Variants in WASF3 observed in about 807,000 individuals in gnomAD.
WASF3 encodes the protein WASP family member 3, also known as actin-binding protein WASF3.
Under a neutral mutation model 46.6 loss-of-function variants are expected in WASF3, and 11 were observed. The observed-to-expected ratio is 0.24, with a 90% confidence interval of 0.15 to 0.39. The LOEUF is 0.39. WASF3 is among the 10% of genes least tolerant of loss of function. The pLI, the probability that WASF3 is intolerant of heterozygous loss-of-function variation, is 1.00. For missense variants in WASF3, 576 were observed against 669.8 expected, an observed-to-expected ratio of 0.86 and a Z score of 1.55; for synonymous variants, 242 against 259.7, an observed-to-expected ratio of 0.93 and a Z score of 0.65.
At chr13:26,638,851 C>T (rs1038046137) in intron 2 of WASF3, 15 of 152,194 alleles carry the variant, frequency 9.9e-5, no homozygotes, top group African/African-American at 3.1e-4. Flanking sequence ...TAGATTAGTG[C>T]TTTCCCTATG....
the WASF3 span, among the ~76,000 whole-genome samples, chr13:26,539,506 C>T: frequency 6.6e-6 from 1 of 152,034 alleles, no homozygotes; most frequent in Non-Finnish European, 1.5e-5. Context: ...CCAGTTAAGA[C>T]TCTTGTGGTA....
At chr13:26,593,645 G>A (rs1195392414) in intron 1 of WASF3, among the ~76,000 whole-genome samples, 1 of 152,040 alleles carries the variant, frequency 6.6e-6, no homozygotes. Context: ...CATTCCAGTG[G>A]AATCCAAGGT....
chr13:26,649,016 T>A (rs538584970), intron 3 of WASF3, among the ~76,000 whole-genome samples: 14 of 152,366 alleles, frequency 9.2e-5, no homozygotes, highest in African/African-American at 3.4e-4. Flanking sequence ...TGCATCATAA[T>A]TCTTAGGAGC....
chr13:26,557,069 G>C (rs561075353), upstream of WASF3, among the ~76,000 whole-genome samples: 13 of 152,192 alleles, frequency 8.5e-5, no homozygotes, highest in African/African-American at 2.9e-4. Flanking sequence ...GCAGTTTCAG[G>C]GATATCTTAG....
chr13:26,668,191 G>A (rs903693464), intron 5 of WASF3, among the ~76,000 whole-genome samples: 4 of 152,166 alleles, frequency 2.6e-5, no homozygotes, highest in South Asian at 2.1e-4. Context: ...TTATCAGGAC[G>A]AGACTTCCAA....
intron 2 of WASF3, among the ~76,000 whole-genome samples, chr13:26,626,488 TG>T (rs1881466571): frequency 6.6e-6 from 1 of 152,192 alleles, no homozygotes; most frequent in Admixed American, 6.5e-5. Flanking sequence ...GACTGAAGTT[TG>T]GCCAAGCAAA....
At chr13:26,685,632 C>T (rs1883379231) in intron 9 of WASF3, 56 bp from the exon 10 acceptor site, 1 of 1,590,040 alleles carries the variant, frequency 6.3e-7, no homozygotes, top group Admixed American at 1.7e-5. Flanking sequence ...GTTCGTTTAT[C>T]TTTAATTTGG....
At chr13:26,544,945 A>G in the WASF3 span, among the ~76,000 whole-genome samples, 1 of 152,238 alleles carries the variant, frequency 6.6e-6, no homozygotes, top group Non-Finnish European at 1.5e-5. Flanking sequence ...GCTAAGCAGC[A>G]TATCTTCTAC....
At chr13:26,675,300 C>T (rs996053916) in intron 6 of WASF3, among the ~76,000 whole-genome samples, 3 of 152,100 alleles carry the variant, frequency 2.0e-5, no homozygotes, top group African/African-American at 7.2e-5. Context: ...GTACCATTTA[C>T]ATTCTTTTAT....
chr13:26,688,369 T>G lies in WASF3; in HGVS notation c.*2524T>G, dbSNP rs1237519859. The G allele has an allele frequency of 6.6e-6, 1 of 152,218 alleles. No homozygotes were observed. Among genetic ancestry groups the G allele is most frequent in the Non-Finnish European group, 1.5e-5 (1 of 68,028 alleles). 9.4% of individuals were successfully genotyped at this position (152,218 alleles called of 1,614,324 possible). On this transcript the variant is annotated 3_prime_UTR_variant, in exon 10 of 10. Transcript: ENST00000335327. ...TTATAGTTATAAATTGTAAGGTAAT[T>G]TTAAATTGTCCCTCGTATTATTTCT...
chr13:26,540,447 C>T, the WASF3 span, among the ~76,000 whole-genome samples: 1 of 152,172 alleles, frequency 6.6e-6, no homozygotes, highest in Non-Finnish European at 1.5e-5. Context: ...CGAGCATTGG[C>T]CTGGCTCCTA....
chr13:26,552,603 T>C, the WASF3 span, among the ~76,000 whole-genome samples: 2 of 152,152 alleles, frequency 1.3e-5, no homozygotes, highest in African/African-American at 2.4e-5. Context: ...GAGGTATTTG[T>C]AGTCATTATT....
chr13:26,544,715 G>A, the WASF3 span, among the ~76,000 whole-genome samples: 1 of 152,186 alleles, frequency 6.6e-6, no homozygotes, highest in Admixed American at 6.5e-5. Flanking sequence ...CAAGCATCCC[G>A]AGTCTGTTTG....
intron 9 of WASF3, 39 bp downstream of exon 9, chr13:26,683,013 A>C (rs746830821): frequency 6.4e-7 from 1 of 1,572,664 alleles, no homozygotes; most frequent in Non-Finnish European, 8.6e-7. Flanking sequence ...GCCTTTCAGC[A>C]AGAGGTTTCT....
At chr13:26,644,931 T>C (rs1882105229) in intron 3 of WASF3, among the ~76,000 whole-genome samples, 1 of 152,184 alleles carries the variant, frequency 6.6e-6, no homozygotes, top group East Asian at 1.9e-4. Flanking sequence ...CCATTTGTGG[T>C]GCAGGGCTTG....
upstream of WASF3, among the ~76,000 whole-genome samples, chr13:26,557,491 G>C (rs1338011313): frequency 1.4e-5 from 2 of 145,982 alleles, no homozygotes; most frequent in Non-Finnish European, 1.5e-5. Context: ...CCAAGGGTGA[G>C]AGCCACCGCC....
rs1381605172 is a variant in WASF3 at position 26,597,440 on chromosome 13, A to AT, written c.-108-15515dup. 4.0e-5 allele frequency among the ~76,000 whole-genome samples: 6 copies of AT among 150,790 alleles called. No individual in the cohort carries two copies. The East Asian group carries it at 9.8e-4, about 25-fold the overall frequency. ...GTGAGCCACCACGCCTGGCCCCTTG[A>AT]TTTTTTGTTGTTGTTGTTGTTGTTG... On this transcript the variant is annotated intron_variant, in intron 1 of 9. Transcript: ENST00000335327.
the WASF3 span, among the ~76,000 whole-genome samples, chr13:26,540,466 C>A: frequency 0.12 from 18,655 of 152,162 alleles, 1,294 homozygotes; most frequent in South Asian, 0.21. Flanking sequence ...TAATTTCCTG[C>A]AGCTCACAAC....
At chr13:26,577,729 A>G in intron 1 of WASF3, 1 of 737,388 alleles carries the variant, frequency 1.4e-6, no homozygotes, top group Admixed American at 2.4e-5. Flanking sequence ...GTGGAAAAAA[A>G]AAAATCAAAA....
Sources: allele counts gnomAD v4.1 joint callset (sites outside exome capture counted in the v4.1 genomes callset), GRCh38; gene constraint gnomAD v4.1.1; transcripts MANE v1.5; gene names NCBI Gene and HGNC (gene_info 2026-07-23, HGNC 2026-07-21).